The following FGF8 variants were observed in gnomAD, a reference collection of about 807,000 sequenced individuals.
FGF8 encodes the protein androgen-induced growth factor.
FGF8 carries 12 observed loss-of-function variants against 29.7 expected under a neutral mutation model. The observed-to-expected ratio is 0.40, with a 90% CI of 0.26 to 0.65. FGF8 has a LOEUF of 0.65. Among genes scored for constraint, FGF8 ranks in the 30% least tolerant of loss-of-function variants. FGF8 has a pLI of 0.37. For missense variants in FGF8, 271 were observed against 345.1 expected, an observed-to-expected ratio of 0.79 and a Z score of 1.70; for synonymous variants, 157 against 144.4, an observed-to-expected ratio of 1.09 and a Z score of -0.63.
Position 101,775,100 on chromosome 10 carries a change from G to A in FGF8, c.156+30C>T. On this transcript the variant is annotated intron_variant, in intron 3 of 5. Transcript: ENST00000320185. The surrounding 1 kb of genome is among the most constrained non-coding windows in gnomAD (Gnocchi z 4.6). ...AAGTCGGGCAGACCCAGCCCAGGAT[G>A]AACGAGCCCCAGGGAGAAGCTGGAC... The A allele has an allele frequency of 1.9e-6, 3 of 1,538,970 alleles. No homozygotes were observed. The highest frequency in any genetic ancestry group is 2.6e-6 in the Non-Finnish European group (3 of 1,138,306).
At chr10:101,776,216 G>T (rs1403448219), upstream of FGF8, 2 of 123,228 alleles carry the variant, frequency 1.6e-5, no homozygotes. Context: ...CACCGGGCGC[G>T]AGGGGGGAGC....
Position 101,775,706 on chromosome 10 carries a change from C to G in FGF8, c.69+34G>C, listed in dbSNP as rs3218227. 5.8e-6 allele frequency: 9 copies of G among 1,540,540 alleles called. No homozygotes were observed. Among genetic ancestry groups the G allele is most frequent in the Non-Finnish European group, 7.9e-6 (9 of 1,144,572 alleles). ...TGCCCACCCGGGTCTCACACCGGCG[C>G]GCCCGGCCCCCGCCTCCGCGCACCC... On this transcript the variant is annotated intron_variant, in intron 2 of 5. Transcript: ENST00000320185. The surrounding 1 kb of genome is among the most constrained non-coding windows in gnomAD (Gnocchi z 4.6).
In FGF8 at chr10:101,771,550, C is replaced by T. The variant is rs1170547349; in HGVS notation, c.357G>A (p.Thr119=). Residue 119 remains threonine, a synonymous_variant, in exon 5 of 6, where the codon ACG becomes ACA. Coordinates refer to ENST00000320185, the MANE Select transcript of FGF8 (RefSeq NM_033163.5). The surrounding 1 kb of genome is among the most constrained non-coding windows in gnomAD (Gnocchi z 5.3). ...GDPFAKLIVE[T]DTFGSRVRVR... is the part of the protein sequence containing the mutation. ...CTCGAACTCTGCTTCCAAAGGTGTC[C>T]GTCTCCACGATGAGCTTTGCTGTCA... 6.8e-6 allele frequency: 11 copies of T among 1,614,130 alleles called. No homozygotes were observed. Among genetic ancestry groups the T allele is most frequent in the Non-Finnish European group, 8.5e-6 (10 of 1,179,962 alleles).
intron 3 of FGF8, 51 bp from the exon 4 acceptor site, chr10:101,774,963 C>T: frequency 6.2e-7 from 1 of 1,600,068 alleles, no homozygotes; most frequent in Non-Finnish European, 8.6e-7. Context: ...CTACTCCGCC[C>T]AGGGGCCCGA....
rs11322844 is a variant in FGF8, at chr10:101,770,141, T to TAAA, written c.*185_*187dup. ...CAAAAATAGAGCCTCTCTTTTGTTT[T>TAAA]AAAAAAAAAAAAAAAAAAAAAAACA... On this transcript the variant is annotated 3_prime_UTR_variant, in exon 6 of 6. Transcript: ENST00000320185. 2.1e-3 allele frequency: 835 copies of TAAA among 391,782 alleles called. No homozygotes were observed. The highest frequency in any genetic ancestry group is 2.7e-3 in the Non-Finnish European group (622 of 229,228). 24.3% of individuals were successfully genotyped at this position (391,782 alleles called of 1,614,324 possible). A position where few individuals can be genotyped will look rare whatever the true frequency, so the allele number is the denominator to read the frequency against.
upstream of FGF8, among the ~76,000 whole-genome samples, chr10:101,776,890 AC>A (rs1362355018): frequency 1.4e-5 from 2 of 139,478 alleles, no homozygotes; most frequent in African/African-American, 2.6e-5. Flanking sequence ...ACACACACAC[AC>A]ACTAGCCTGA....
upstream of FGF8, chr10:101,780,203 G>C (rs1348044216): frequency 6.6e-6 from 1 of 152,270 alleles, no homozygotes; most frequent in Non-Finnish European, 1.5e-5. Flanking sequence ...AGGCGCCTGC[G>C]ACCCAGATCA....
upstream of FGF8, among the ~76,000 whole-genome samples, chr10:101,776,489 G>T (rs576077943): frequency 2.0e-5 from 3 of 152,004 alleles, no homozygotes; most frequent in East Asian, 3.9e-4. Context: ...AACTCTGCGG[G>T]CCGGGAGACC....
Position 101,775,841 on chromosome 10 carries a change from T to TGGGGGGGGGGGGGGGGGGGGGG in FGF8, c.32+27_32+28insCCCCCCCCCCCCCCCCCCCCCC. 1.0e-6 allele frequency: 1 copy of TGGGGGGGGGGGGGGGGGGGGGG among 979,670 alleles called. No homozygotes were observed. Among genetic ancestry groups the TGGGGGGGGGGGGGGGGGGGGGG allele is most frequent in the Admixed American group, 3.0e-5 (1 of 33,484 alleles). The allele number at this position is 979,670 out of a possible 1,614,324, so 60.7% of individuals were successfully genotyped here. On this transcript the variant is annotated intron_variant, in intron 1 of 5. Coordinates refer to ENST00000320185, the MANE Select transcript of FGF8 (RefSeq NM_033163.5). The surrounding 1 kb of genome is among the most constrained non-coding windows in gnomAD (Gnocchi z 4.6). Reference sequence around the variant, plus strand: ...TGAGGCGAGGGGCGCGGGGGGCGGGTGGCGGGGCAGGGCGGCGCGGTACTC... The same window carrying TGGGGGGGGGGGGGGGGGGGGGG: ...TGAGGCGAGGGGCGCGGGGGGCGGGTGGGGGGGGGGGGGGGGGGGGGGGGCGGGGCAGGGCGGCGCGGTACTC...
At chr10:101,776,614 CTG>C (rs970333440), upstream of FGF8, among the ~76,000 whole-genome samples, 2 of 152,038 alleles carry the variant, frequency 1.3e-5, no homozygotes, top group African/African-American at 4.8e-5. Context: ...GAGCCACCTA[CTG>C]TGTGTCCCGC....
Position 101,775,066 on chromosome 10 carries a change from C to T in FGF8, c.156+64G>A. Reference sequence around the variant, plus strand: ...CATGCCAGCCCAGGCCACCATCCCCCACCCACGCAAGTCGGGCAGACCCAG... The same window carrying T: ...CATGCCAGCCCAGGCCACCATCCCCTACCCACGCAAGTCGGGCAGACCCAG... On this transcript the variant is annotated intron_variant, in intron 3 of 5. Transcript: ENST00000320185. The surrounding 1 kb of genome is among the most constrained non-coding windows in gnomAD (Gnocchi z 4.6). 1.3e-6 allele frequency: 2 copies of T among 1,509,220 alleles called. No individual in the cohort carries two copies. The highest frequency in any genetic ancestry group is 9.0e-7 in the Non-Finnish European group (1 of 1,109,710). The allele number at this position is 1,509,220 out of a possible 1,614,324, so 93.5% of individuals were successfully genotyped here. A position where few individuals can be genotyped will look rare whatever the true frequency, so the allele number is the denominator to read the frequency against.
Position 101,775,971 on chromosome 10 carries a change from C to A in FGF8, c.-71G>T. 9.6e-7 allele frequency: 1 copy of A among 1,043,170 alleles called. No individual in the cohort carries two copies. Among genetic ancestry groups the A allele is most frequent in the Non-Finnish European group, 1.2e-6 (1 of 842,574 alleles). The allele number at this position is 1,043,170 out of a possible 1,614,324, so 64.6% of individuals were successfully genotyped here. A position where few individuals can be genotyped will look rare whatever the true frequency, so the allele number is the denominator to read the frequency against. On this transcript the variant is annotated 5_prime_UTR_variant, in exon 1 of 6. Coordinates refer to ENST00000320185, the MANE Select transcript of FGF8 (RefSeq NM_033163.5). This position sits in a 1 kb window ranked among gnomAD's most constrained non-coding sequence, Gnocchi z 4.6. ...CCGCGGGCCGCCGCGGGAGGACGCG[C>A]TGAGCAGGGCGCGAGCGGAGAGGGT...
chr10:101,776,544 G>T (rs1430918708), upstream of FGF8, among the ~76,000 whole-genome samples: 3 of 152,064 alleles, frequency 2.0e-5, no homozygotes, highest in Non-Finnish European at 4.4e-5. Context: ...CGAGTCTGGC[G>T]GGTCTGGGTC....
Position 101,774,856 on chromosome 10 carries a change from C to G in FGF8, c.213G>C (p.Val71=). 1 of 1,614,052 alleles carries G rather than the reference C, an allele frequency of 6.2e-7. No homozygotes were observed. The highest frequency in any genetic ancestry group is 8.5e-7 in the Non-Finnish European group (1 of 1,180,034). The stretch of plus-strand genomic sequence containing the variant: ...TGAGGCGGCGGCTGAGCTGATCCGT[C>G]ACCAGGCTCTGCTCCCTCACATGCT... ...FTQHVREQSL[V]TDQLSRRLIR... The change falls in exon 4 of 6, where the codon GTG becomes GTC. Residue 71 remains valine (V), a synonymous_variant. Coordinates refer to ENST00000320185, the MANE Select transcript of FGF8 (RefSeq NM_033163.5).
In FGF8 at chr10:101,775,208, C is replaced by T. The variant is rs776087822; in HGVS notation, c.78G>A (p.Pro26=). Reference sequence around the variant, plus strand: ...CCCTGCCCAGCGCAGGGCCCCTGCCCGGGCCTTCCTAGAGGAGCAGGGCGC... The same window carrying T: ...CCCTGCCCAGCGCAGGGCCCCTGCCTGGGCCTTCCTAGAGGAGCAGGGCGC... ...LVLCLQAQEG[P]GRGPALGREL... The change falls in exon 3 of 6, where the codon CCG becomes CCA. Residue 26 remains proline, a synonymous_variant. Transcript: ENST00000320185. The surrounding 1 kb of genome is among the most constrained non-coding windows in gnomAD (Gnocchi z 4.6). 9.7e-6 allele frequency: 15 copies of T among 1,547,302 alleles called. No individual in the cohort carries two copies. Among genetic ancestry groups the T allele is most frequent in the East Asian group, 2.4e-5 (1 of 40,892 alleles).
chr10:101,777,759 T>TTGAATGAA (rs3840750), upstream of FGF8, among the ~76,000 whole-genome samples: 4 of 152,174 alleles, frequency 2.6e-5, no homozygotes, highest in South Asian at 2.1e-4. Flanking sequence ...TAAGAGTTCG[T>TTGAATGAA]TGAATGAATG....
chr10:101,775,908 G>T lies in FGF8; in HGVS notation c.-8C>A. 8.0e-7 allele frequency: 1 copy of T among 1,243,958 alleles called. No individual in the cohort carries two copies. Among genetic ancestry groups the T allele is most frequent in the Non-Finnish European group, 1.0e-6 (1 of 999,548 alleles). 77.1% of individuals were successfully genotyped at this position (1,243,958 alleles called of 1,614,324 possible). ...GGAGCGGGGGCTGCCCATGGCGCGCGGCCCCGGGGCACCGAGAGCCCGGCG... is the reference window on the plus strand; with the variant it reads ...GGAGCGGGGGCTGCCCATGGCGCGCTGCCCCGGGGCACCGAGAGCCCGGCG... On this transcript the variant is annotated 5_prime_UTR_variant, in exon 1 of 6. Transcript: ENST00000320185. This position sits in a 1 kb window ranked among gnomAD's most constrained non-coding sequence, Gnocchi z 4.6.
intron 4 of FGF8, among the ~76,000 whole-genome samples, chr10:101,773,614 ATT>A (rs1469324593): frequency 6.6e-6 from 1 of 152,212 alleles, no homozygotes; most frequent in Admixed American, 6.5e-5. Flanking sequence ...TCCCAGGAAA[ATT>A]ATGTCTCCTC....
intron 4 of FGF8, among the ~76,000 whole-genome samples, chr10:101,773,091 G>A (rs559853466): frequency 2.2e-4 from 33 of 152,288 alleles, no homozygotes; most frequent in African/African-American, 7.5e-4. Context: ...GACTACTCCT[G>A]TCCTGGCTGA....
Sources: allele counts gnomAD v4.1 joint callset (sites outside exome capture counted in the v4.1 genomes callset), GRCh38; gene constraint gnomAD v4.1.1; non-coding constraint Gnocchi (gnomAD v3.1); transcripts MANE v1.5; gene names NCBI Gene and HGNC (gene_info 2026-07-23, HGNC 2026-07-21).